The following ACTRT2 variants were observed in gnomAD, a reference collection of about 807,000 sequenced individuals.
ACTRT2 encodes actin-related protein T2.
ACTRT2 carries 1 observed loss-of-function variant against 1.2 expected under a neutral mutation model. The observed-to-expected ratio is 0.80, with a 90% CI of 0.29 to 3.81. The LOEUF (loss-of-function observed/expected upper bound fraction) is 3.81. ACTRT2 is among the 30% of genes most tolerant of loss of function. The pLI is 0.18. For missense variants in ACTRT2, 488 were observed against 497.9 expected, an observed-to-expected ratio of 0.98 and a Z score of 0.19; for synonymous variants, 262 against 228.9, an observed-to-expected ratio of 1.14 and a Z score of -1.30.
chr1:3,022,045 G>A lies in ACTRT2; in HGVS notation c.359G>A (p.Arg120His), dbSNP rs201756456. ...TEPSLNPREN[R>H]EKMAEVMFEN... ...CCCTCCCTGAACCCCAGGGAGAACC[G>A]TGAGAAGATGGCAGAAGTCATGTTC... is the stretch of plus-strand genomic sequence containing the variant. The change falls in exon 1 of 1, where the codon CGT (arginine) becomes CAT (histidine). Residue 120 changes from arginine to histidine, a missense_variant. By Grantham distance (29) the Arg-to-His change is conservative. Transcript: ENST00000378404. The surrounding 1 kb of genome is among the most constrained non-coding windows in gnomAD (Gnocchi z 7.7). The A allele has an allele frequency of 5.2e-5, 84 of 1,613,542 alleles. No homozygotes were observed. Among genetic ancestry groups the A allele is most frequent in the Middle Eastern group, 3.3e-4 (2 of 6,062 alleles).
rs1317528893 is a variant in ACTRT2 at position 3,022,582 on chromosome 1, T to C, written c.896T>C (p.Ile299Thr). ...ATCCAGAAGATCCTCTTTGGGGAGATTGTGCTGTCGGGGGGCACTACCCTG... is the reference window on the plus strand; with the variant it reads ...ATCCAGAAGATCCTCTTTGGGGAGACTGTGCTGTCGGGGGGCACTACCCTG... ...TDIQKILFGEIVLSGGTTLFH... is the reference protein window; with the variant it reads ...TDIQKILFGETVLSGGTTLFH... Residue 299 changes from isoleucine to threonine, a missense_variant, in exon 1 of 1, where the codon ATT becomes ACT. Ile to Thr is a moderately conservative substitution (Grantham distance 89). Transcript: ENST00000378404. This position sits in a 1 kb window ranked among gnomAD's most constrained non-coding sequence, Gnocchi z 7.7. The C allele has an allele frequency of 3.7e-6, 6 of 1,612,852 alleles. No individual in the cohort carries two copies. Among genetic ancestry groups the C allele is most frequent in the Middle Eastern group, 1.6e-4 (1 of 6,084 alleles).
Position 3,022,749 on chromosome 1 carries a change from A to C in ACTRT2, c.1063A>C (p.Lys355Gln). ...CATCGTCACCTCTCTGAGTAGCTTC[A>C]AGCAGATGTGGGTCACCGCCGCAGA... is the stretch of plus-strand genomic sequence containing the variant. ...ASIVTSLSSF[K>Q]QMWVTAADFK... Residue 355 changes from lysine to glutamine, a missense_variant, in exon 1 of 1, where the codon AAG (lysine) becomes CAG (glutamine). Transcript: ENST00000378404. The surrounding 1 kb of genome is among the most constrained non-coding windows in gnomAD (Gnocchi z 7.7). 6.2e-7 allele frequency: 1 copy of C among 1,613,728 alleles called. No homozygotes were observed. Among genetic ancestry groups the C allele is most frequent in the Non-Finnish European group, 8.5e-7 (1 of 1,179,984 alleles).
At position 3,022,091 on chromosome 1, in the gene ACTRT2, T is replaced by A. The variant is rs747926980; in HGVS notation, c.405T>A (p.Ala135=). 6.2e-7 allele frequency: 1 copy of A among 1,613,420 alleles called. No individual in the cohort carries two copies. The highest frequency in any genetic ancestry group is 1.1e-5 in the South Asian group (1 of 91,088). The change falls in exon 1 of 1, where the codon GCT becomes GCA. Residue 135 remains alanine, a synonymous_variant. Coordinates refer to ENST00000378404, the MANE Select transcript of ACTRT2 (RefSeq NM_080431.5). The surrounding 1 kb of genome is among the most constrained non-coding windows in gnomAD (Gnocchi z 7.7). ...EVMFENFGVP[A]FYLSDQAVLA... ...TGTTCGAGAACTTCGGCGTGCCCGCTTTCTACCTGTCGGACCAGGCGGTGC... is the reference window on the plus strand; with the variant it reads ...TGTTCGAGAACTTCGGCGTGCCCGCATTCTACCTGTCGGACCAGGCGGTGC...
rs780268543 is a variant in ACTRT2 at position 3,022,555 on chromosome 1, A to T, written c.869A>T (p.Asp290Val). 6.2e-7 allele frequency: 1 copy of T among 1,613,012 alleles called. No individual in the cohort carries two copies. The highest frequency in any genetic ancestry group is 2.2e-5 in the East Asian group (1 of 44,838). ...AGCAGCATCACCAAGTGTGATACCG[A>T]CATCCAGAAGATCCTCTTTGGGGAG... ...VSSSITKCDT[D>V]IQKILFGEIV... Residue 290 changes from aspartate (D) to valine (V), a missense_variant, in exon 1 of 1, where the codon GAC becomes GTC. Asp to Val is a radical substitution (Grantham distance 152, BLOSUM62 -3). Coordinates refer to ENST00000378404, the MANE Select transcript of ACTRT2 (RefSeq NM_080431.5). This position sits in a 1 kb window ranked among gnomAD's most constrained non-coding sequence, Gnocchi z 7.7.
rs757325467 is a variant in ACTRT2 at position 3,021,736 on chromosome 1, G to C, written c.50G>C (p.Gly17Ala). ...TCCCCGGCTGTGATTTTTGACAATGGCTCGGGGTTCTGCAAAGCGGGCCTG... is the reference window on the plus strand; with the variant it reads ...TCCCCGGCTGTGATTTTTGACAATGCCTCGGGGTTCTGCAAAGCGGGCCTG... ...LDSPAVIFDN[G>A]SGFCKAGLSG... is the part of the protein sequence containing the mutation. Residue 17 changes from glycine (G) to alanine (A), a missense_variant, in exon 1 of 1, where the codon GGC (glycine) becomes GCC (alanine). Transcript: ENST00000378404. 15 of 1,613,736 alleles carry C rather than the reference G, an allele frequency of 9.3e-6. No homozygotes were observed. Among genetic ancestry groups the C allele is most frequent in the Non-Finnish European group, 1.2e-5 (14 of 1,180,014 alleles).
chr1:3,021,586 G>T lies in ACTRT2; in HGVS notation c.-101G>T. 6.8e-7 allele frequency: 1 copy of T among 1,480,028 alleles called. No homozygotes were observed. The highest frequency in any genetic ancestry group is 2.1e-5 in the Admixed American group (1 of 47,164). The allele number at this position is 1,480,028 out of a possible 1,614,324, so 91.7% of individuals were successfully genotyped here. On this transcript the variant is annotated 5_prime_UTR_variant, in exon 1 of 1. Coordinates refer to ENST00000378404, the MANE Select transcript of ACTRT2 (RefSeq NM_080431.5). ...TGCTAGCCCTGCCTTGAGACACCCC[G>T]AGAGCTGTGGGAAGAGCTGTGGGAT...
rs769262278 is a variant in ACTRT2, at chr1:3,021,933, T to C, written c.247T>C (p.Trp83Arg). ...SPFERGLITGWDDVERLWKHL... is the reference protein window; with the variant it reads ...SPFERGLITGRDDVERLWKHL... Reference sequence around the variant, plus strand: ...TTTCGAGCGTGGCCTGATCACAGGGTGGGATGACGTGGAGAGACTCTGGAA... The same window carrying C: ...TTTCGAGCGTGGCCTGATCACAGGGCGGGATGACGTGGAGAGACTCTGGAA... Residue 83 changes from tryptophan (W) to arginine (R), a missense_variant, in exon 1 of 1, where the codon TGG becomes CGG. Trp to Arg is a moderately radical substitution (Grantham distance 101, BLOSUM62 -3). Transcript: ENST00000378404. 2.9e-5 allele frequency: 46 copies of C among 1,613,076 alleles called. No homozygotes were observed. Among genetic ancestry groups the C allele is most frequent in the Middle Eastern group, 1.6e-4 (1 of 6,084 alleles).
At position 3,021,906 on chromosome 1, in the gene ACTRT2, C is replaced by G; in HGVS notation, c.220C>G (p.Pro74Ala). ...GCAGGAGGCCCTGCAGCTGCACTCC[C>G]CTTTCGAGCGTGGCCTGATCACAGG... ...YKQEALQLHS[P>A]FERGLITGWD... Residue 74 changes from proline (P) to alanine (A), a missense_variant, in exon 1 of 1, where the codon CCT becomes GCT. Coordinates refer to ENST00000378404, the MANE Select transcript of ACTRT2 (RefSeq NM_080431.5). 6.2e-7 allele frequency: 1 copy of G among 1,613,538 alleles called. No homozygotes were observed. Among genetic ancestry groups the G allele is most frequent in the Non-Finnish European group, 8.5e-7 (1 of 1,180,006 alleles).
In ACTRT2 at chr1:3,021,915, C is replaced by A. The variant is rs776228150; in HGVS notation, c.229C>A (p.Arg77Ser). The A allele has an allele frequency of 6.2e-6, 10 of 1,613,484 alleles. No individual in the cohort carries two copies. Among genetic ancestry groups the A allele is most frequent in the Non-Finnish European group, 8.5e-6 (10 of 1,180,004 alleles). Residue 77 changes from arginine to serine, a missense_variant, in exon 1 of 1, where the codon CGT becomes AGT. Physicochemically the swap from Arg to Ser is moderately radical, Grantham distance 110 (BLOSUM62 -1). Transcript: ENST00000378404. The stretch of plus-strand genomic sequence containing the variant: ...CCTGCAGCTGCACTCCCCTTTCGAG[C>A]GTGGCCTGATCACAGGGTGGGATGA... ...EALQLHSPFE[R>S]GLITGWDDVE...
chr1:3,022,823 G>T lies in ACTRT2; in HGVS notation c.*3G>T. The T allele has an allele frequency of 6.2e-7, 1 of 1,600,802 alleles. No individual in the cohort carries two copies. The highest frequency in any genetic ancestry group is 8.5e-7 in the Non-Finnish European group (1 of 1,170,668). ...TGGTGCAGAGAAGATGCTTCTGAAG[G>T]CCGCTTCTCGTTGGGTACCGTGGGG... is the stretch of plus-strand genomic sequence containing the variant. On this transcript the variant is annotated 3_prime_UTR_variant, in exon 1 of 1. Coordinates refer to ENST00000378404, the MANE Select transcript of ACTRT2 (RefSeq NM_080431.5). The surrounding 1 kb of genome is among the most constrained non-coding windows in gnomAD (Gnocchi z 7.7).
rs1017202958 is a variant in ACTRT2 at position 3,022,774 on chromosome 1, A to T, written c.1088A>T (p.Asp363Val). 2 of 1,613,626 alleles carry T rather than the reference A, an allele frequency of 1.2e-6. No individual in the cohort carries two copies. Among genetic ancestry groups the T allele is most frequent in the Non-Finnish European group, 1.7e-6 (2 of 1,179,930 alleles). ...SFKQMWVTAA[D>V]FKEFGTSVVQ... is the part of the protein sequence containing the mutation. ...AAGCAGATGTGGGTCACCGCCGCAGACTTCAAGGAGTTTGGGACCTCCGTG... is the reference window on the plus strand; with the variant it reads ...AAGCAGATGTGGGTCACCGCCGCAGTCTTCAAGGAGTTTGGGACCTCCGTG... Residue 363 changes from aspartate to valine, a missense_variant, in exon 1 of 1, where the codon GAC becomes GTC. Physicochemically the swap from Asp to Val is radical, Grantham distance 152. Transcript: ENST00000378404. This position sits in a 1 kb window ranked among gnomAD's most constrained non-coding sequence, Gnocchi z 7.7.
chr1:3,022,046 T>C lies in ACTRT2; in HGVS notation c.360T>C (p.Arg120=). The C allele has an allele frequency of 6.2e-7, 1 of 1,613,530 alleles. No homozygotes were observed. Among genetic ancestry groups the C allele is most frequent in the South Asian group, 1.1e-5 (1 of 91,084 alleles). ...TEPSLNPREN[R]EKMAEVMFEN... is the part of the protein sequence containing the mutation. ...CCTCCCTGAACCCCAGGGAGAACCG[T>C]GAGAAGATGGCAGAAGTCATGTTCG... Residue 120 remains arginine (R), a synonymous_variant, in exon 1 of 1, where the codon CGT becomes CGC. Coordinates refer to ENST00000378404, the MANE Select transcript of ACTRT2 (RefSeq NM_080431.5). The surrounding 1 kb of genome is among the most constrained non-coding windows in gnomAD (Gnocchi z 7.7).
At position 3,021,856 on chromosome 1, in the gene ACTRT2, T is replaced by C. The variant is rs760247925; in HGVS notation, c.170T>C (p.Phe57Ser). The C allele has an allele frequency of 1.9e-6, 3 of 1,613,086 alleles. No homozygotes were observed. Among genetic ancestry groups the C allele is most frequent in the Non-Finnish European group, 2.5e-6 (3 of 1,179,950 alleles). Residue 57 changes from phenylalanine to serine, a missense_variant, in exon 1 of 1, where the codon TTT becomes TCT. Coordinates refer to ENST00000378404, the MANE Select transcript of ACTRT2 (RefSeq NM_080431.5). ...PSAEANQKKY[F>S]VGEEALYKQE... ...GCAGAGGCCAACCAGAAGAAGTACT[T>C]TGTGGGGGAGGAGGCCCTGTACAAG... is the stretch of plus-strand genomic sequence containing the variant.
chr1:3,022,190 C>A lies in ACTRT2; in HGVS notation c.504C>A (p.Pro168=). ...DSGDAVTCTV[P]IFEGYSLPHA... is the part of the protein sequence containing the mutation. ...GGGATGCGGTCACCTGCACTGTCCCCATCTTTGAGGGTTACTCCCTGCCCC... is the reference window on the plus strand; with the variant it reads ...GGGATGCGGTCACCTGCACTGTCCCAATCTTTGAGGGTTACTCCCTGCCCC... The change falls in exon 1 of 1, where the codon CCC becomes CCA. Residue 168 remains proline (P), a synonymous_variant. Coordinates refer to ENST00000378404, the MANE Select transcript of ACTRT2 (RefSeq NM_080431.5). The surrounding 1 kb of genome is among the most constrained non-coding windows in gnomAD (Gnocchi z 7.7). 2 of 1,613,162 alleles carry A rather than the reference C, an allele frequency of 1.2e-6. No individual in the cohort carries two copies. Among genetic ancestry groups the A allele is most frequent in the Non-Finnish European group, 1.7e-6 (2 of 1,180,032 alleles).
Position 3,021,790 on chromosome 1 carries a change from T to A in ACTRT2, c.104T>A (p.Val35Asp), listed in dbSNP as rs1251029107. Residue 35 changes from valine (V) to aspartate (D), a missense_variant, in exon 1 of 1, where the codon GTC (valine) becomes GAC (aspartate). By Grantham distance (152) the Val-to-Asp change is radical. Coordinates refer to ENST00000378404, the MANE Select transcript of ACTRT2 (RefSeq NM_080431.5). ...GGGGAGTTTGGACCCCGGCACATGGTCAGCTCCATCGTGGGGCACCTGAAA... is the reference window on the plus strand; with the variant it reads ...GGGGAGTTTGGACCCCGGCACATGGACAGCTCCATCGTGGGGCACCTGAAA... ...LSGEFGPRHM[V>D]SSIVGHLKFQ... 16 of 1,613,652 alleles carry A rather than the reference T, an allele frequency of 9.9e-6. No homozygotes were observed. Among genetic ancestry groups the A allele is most frequent in the Non-Finnish European group, 1.4e-5 (16 of 1,180,012 alleles).
At position 3,022,797 on chromosome 1, in the gene ACTRT2, G is replaced by A. The variant is rs757742785; in HGVS notation, c.1111G>A (p.Val371Met). ...AGACTTCAAGGAGTTTGGGACCTCC[G>A]TGGTGCAGAGAAGATGCTTCTGAAG... ...AADFKEFGTSVVQRRCF is the reference protein window; with the variant it reads ...AADFKEFGTSMVQRRCF Residue 371 changes from valine (V) to methionine (M), a missense_variant, in exon 1 of 1, where the codon GTG becomes ATG. Coordinates refer to ENST00000378404, the MANE Select transcript of ACTRT2 (RefSeq NM_080431.5). This position sits in a 1 kb window ranked among gnomAD's most constrained non-coding sequence, Gnocchi z 7.7. The A allele has an allele frequency of 5.6e-6, 9 of 1,612,556 alleles. No individual in the cohort carries two copies. The highest frequency in any genetic ancestry group is 4.4e-5 in the South Asian group (4 of 90,968).
chr1:3,021,771 T>G lies in ACTRT2; in HGVS notation c.85T>G (p.Phe29Val), dbSNP rs766071123. The change falls in exon 1 of 1, where the codon TTT becomes GTT. Residue 29 changes from phenylalanine (F) to valine (V), a missense_variant. Physicochemically the swap from Phe to Val is conservative, Grantham distance 50. Transcript: ENST00000378404. ...CTGCAAAGCGGGCCTGTCTGGGGAG[T>G]TTGGACCCCGGCACATGGTCAGCTC... The part of the protein sequence containing the change: ...GFCKAGLSGE[F>V]GPRHMVSSIV... 6 of 1,613,292 alleles carry G rather than the reference T, an allele frequency of 3.7e-6. No homozygotes were observed. Among genetic ancestry groups the G allele is most frequent in the Non-Finnish European group, 5.1e-6 (6 of 1,179,968 alleles).
rs376696312 is a variant in ACTRT2, at chr1:3,022,842, C to T, written c.*22C>T. 20 of 1,588,916 alleles carry T rather than the reference C, an allele frequency of 1.3e-5. No homozygotes were observed. The highest frequency in any genetic ancestry group is 5.7e-5 in the South Asian group (5 of 87,902). On this transcript the variant is annotated 3_prime_UTR_variant, in exon 1 of 1. Transcript: ENST00000378404. The surrounding 1 kb of genome is among the most constrained non-coding windows in gnomAD (Gnocchi z 7.7). ...CTGAAGGCCGCTTCTCGTTGGGTAC[C>T]GTGGGGGGTGAACCCTAGCCCCAGC...
chr1:3,022,496 C>A lies in ACTRT2; in HGVS notation c.810C>A (p.Gly270=). The change falls in exon 1 of 1, where the codon GGC becomes GGA. Residue 270 remains glycine, a synonymous_variant. Coordinates refer to ENST00000378404, the MANE Select transcript of ACTRT2 (RefSeq NM_080431.5). The surrounding 1 kb of genome is among the most constrained non-coding windows in gnomAD (Gnocchi z 7.7). ...CCCTGTTCGTGCCCCAGCAGCTGGGCAGCCAGAGCCCCGGGCTCTCGAATA... is the reference window on the plus strand; with the variant it reads ...CCCTGTTCGTGCCCCAGCAGCTGGGAAGCCAGAGCCCCGGGCTCTCGAATA... The part of the protein sequence containing the change: ...PEALFVPQQL[G]SQSPGLSNMV... The A allele has an allele frequency of 6.2e-7, 1 of 1,612,940 alleles. No individual in the cohort carries two copies. The highest frequency in any genetic ancestry group is 1.7e-4 in the Middle Eastern group (1 of 6,054).
Sources: allele counts gnomAD v4.1 joint callset, GRCh38; gene constraint gnomAD v4.1.1; non-coding constraint Gnocchi (gnomAD v3.1); transcripts MANE v1.5; gene names NCBI Gene and HGNC (gene_info 2026-07-23, HGNC 2026-07-21).